The following CLPB variants were observed in gnomAD, a reference collection of about 807,000 sequenced individuals.
The protein encoded by CLPB is mitochondrial disaggregase.
A neutral mutation model predicts 78.4 loss-of-function variants in CLPB; 40 were observed. The ratio of observed to expected loss-of-function variants is 0.51; its 90% CI spans 0.40 to 0.66. CLPB has a LOEUF of 0.66. Among genes scored for constraint, CLPB ranks in the 30% least tolerant of loss-of-function variants. CLPB has a pLI of 0.00. For synonymous variants in CLPB, 333 were observed against 348.0 expected, an observed-to-expected ratio of 0.96 and a Z score of 0.48; for missense variants, 780 against 886.9, an observed-to-expected ratio of 0.88 and a Z score of 1.53.
At chr11:72,383,513 A>G (rs1334706591) in intron 3 of CLPB, among the ~76,000 whole-genome samples, 1 of 150,252 alleles carries the variant, frequency 6.7e-6, no homozygotes, top group Non-Finnish European at 1.5e-5. Flanking sequence ...CCTGGGCGAC[A>G]GAGCAAGACT....
intron 4 of CLPB, chr11:72,359,322 G>A: frequency 2.3e-6 from 1 of 444,170 alleles, no homozygotes; most frequent in Non-Finnish European, 4.3e-6. Flanking sequence ...AACTGTTTGA[G>A]ATAAATGCTC....
intron 6 of CLPB, among the ~76,000 whole-genome samples, chr11:72,325,707 C>T (rs1269191834): frequency 6.6e-6 from 1 of 152,110 alleles, no homozygotes; most frequent in Non-Finnish European, 1.5e-5. Flanking sequence ...GATTGTAACT[C>T]CTTCAGGGCC....
At chr11:72,332,556 A>G (rs1236108110) in intron 5 of CLPB, among the ~76,000 whole-genome samples, 2 of 152,118 alleles carry the variant, frequency 1.3e-5, no homozygotes, top group African/African-American at 4.8e-5. Context: ...GGAGGTATAC[A>G]ATTCAGTGGT....
chr11:72,422,277 A>AC (rs1565098560), intron 2 of CLPB, among the ~76,000 whole-genome samples: 2 of 149,786 alleles, frequency 1.3e-5, no homozygotes, highest in African/African-American at 2.4e-5. Flanking sequence ...AAAAAAAAAA[A>AC]AAAAAAAAAA....
At chr11:72,315,858 T>A (rs555905582) in intron 7 of CLPB, among the ~76,000 whole-genome samples, 1 of 152,250 alleles carries the variant, frequency 6.6e-6, no homozygotes, top group East Asian at 1.9e-4. Flanking sequence ...CTGGACCTGC[T>A]TCAGTTTGAG....
rs775156233 is a variant in CLPB at position 72,434,205 on chromosome 11, G to A, written c.270C>T (p.Arg90=). ...GGAGTGTTTCTTCGGGACCAGGAAG[G>A]CGTCCCCAAGTGGCAGCCGCGAGGC... The part of the protein sequence containing the change: ...TKCLAAATWG[R]LPGPEETLPG... The change falls in exon 1 of 16, where the codon CGC becomes CGT. Residue 90 remains arginine, a synonymous_variant. Transcript: ENST00000538039. 10 of 1,613,422 alleles carry A rather than the reference G, an allele frequency of 6.2e-6. No individual in the cohort carries two copies. The highest frequency in any genetic ancestry group is 8.5e-6 in the Non-Finnish European group (10 of 1,180,010).
intron 4 of CLPB, among the ~76,000 whole-genome samples, chr11:72,375,790 G>A (rs1181079883): frequency 3.3e-5 from 5 of 152,236 alleles, no homozygotes; most frequent in Admixed American, 2.6e-4. Flanking sequence ...CCTGATACTC[G>A]GTAAGAACAC....
chr11:72,299,310 C>T (rs114613477), intron 11 of CLPB, among the ~76,000 whole-genome samples: 57 of 152,344 alleles, frequency 3.7e-4, no homozygotes, highest in African/African-American at 1.3e-3. Context: ...CAGCTGCCCA[C>T]GGCATCTTTG....
At chr11:72,346,944 G>A (rs1361701074) in intron 5 of CLPB, among the ~76,000 whole-genome samples, 2 of 143,562 alleles carry the variant, frequency 1.4e-5, no homozygotes, top group African/African-American at 5.3e-5. Flanking sequence ...TCACGACATT[G>A]CACTCCAGCC....
intron 11 of CLPB, among the ~76,000 whole-genome samples, chr11:72,297,960 C>T (rs749643128): frequency 1.3e-5 from 2 of 152,110 alleles, no homozygotes; most frequent in African/African-American, 4.8e-5. Flanking sequence ...GTTTCCTTAG[C>T]AATAAAGATG....
At chr11:72,322,173 G>A (rs986608490) in intron 6 of CLPB, among the ~76,000 whole-genome samples, 1 of 152,124 alleles carries the variant, frequency 6.6e-6, no homozygotes, top group Non-Finnish European at 1.5e-5. Context: ...AAACAAAGCA[G>A]GTGTCAGCCC....
chr11:72,296,709 T>G (rs1949556954), intron 11 of CLPB, among the ~76,000 whole-genome samples: 1 of 152,170 alleles, frequency 6.6e-6, no homozygotes, highest in African/African-American at 2.4e-5. Flanking sequence ...CTCCTTCTAC[T>G]AGGAAAGTGG....
chr11:72,334,774 C>T (rs915296276), intron 5 of CLPB, among the ~76,000 whole-genome samples: 3 of 152,204 alleles, frequency 2.0e-5, no homozygotes, highest in Admixed American at 6.5e-5. Context: ...GCAGGTCATC[C>T]GTCACCTCCC....
chr11:72,354,994 C>T (rs1343764507), intron 5 of CLPB, among the ~76,000 whole-genome samples: 1 of 152,176 alleles, frequency 6.6e-6, no homozygotes, highest in Non-Finnish European at 1.5e-5. Flanking sequence ...GTGTGAGAGC[C>T]TCTCAGGGTC....
intron 1 of CLPB, 59 bp from the exon 2 acceptor site, chr11:72,430,422 G>A: frequency 1.3e-6 from 2 of 1,499,128 alleles, no homozygotes; most frequent in Non-Finnish European, 9.2e-7. Context: ...TCTCAGGACT[G>A]CGTGGAGGGC....
At chr11:72,342,794 C>T (rs1171427737) in intron 5 of CLPB, among the ~76,000 whole-genome samples, 1 of 152,216 alleles carries the variant, frequency 6.6e-6, no homozygotes, top group African/African-American at 2.4e-5. Flanking sequence ...GTCTGGGGCA[C>T]AGCCACAGTC....
chr11:72,432,874 C>A (rs1185452885), intron 1 of CLPB, among the ~76,000 whole-genome samples: 2 of 152,206 alleles, frequency 1.3e-5, no homozygotes, highest in African/African-American at 4.8e-5. Context: ...TACTCCCCAA[C>A]TCTTGCTCCA....
At chr11:72,327,744 A>T (rs1212284495) in intron 6 of CLPB, among the ~76,000 whole-genome samples, 1 of 152,228 alleles carries the variant, frequency 6.6e-6, no homozygotes, top group African/African-American at 2.4e-5. Context: ...GATTATGCAC[A>T]ACAGTGCTGA....
intron 2 of CLPB, among the ~76,000 whole-genome samples, chr11:72,415,115 C>A (rs1266859868): frequency 3.3e-5 from 5 of 152,132 alleles, no homozygotes; most frequent in African/African-American, 4.8e-5. Flanking sequence ...ACTCAGGAGG[C>A]TGAGGCAGGA....
Sources: allele counts gnomAD v4.1 joint callset (sites outside exome capture counted in the v4.1 genomes callset), GRCh38; gene constraint gnomAD v4.1.1; transcripts MANE v1.5; gene names NCBI Gene and HGNC (gene_info 2026-07-23, HGNC 2026-07-21).